KCNJ3: variants seen among roughly 807,000 people sequenced by gnomAD.
The protein encoded by KCNJ3 is G protein-activated inward rectifier potassium channel 1.
KCNJ3 carries 4 observed loss-of-function variants against 39.2 expected under a neutral mutation model. That is an observed-to-expected ratio of 0.10 (90% CI 0.05 to 0.23). KCNJ3 has a LOEUF of 0.23. KCNJ3 is among the 10% of genes least tolerant of loss of function. KCNJ3 has a pLI of 1.00. For missense variants in KCNJ3, 276 were observed against 634.9 expected (o/e 0.43, Z 6.08); for synonymous variants, 230 against 237.4 (o/e 0.97, Z 0.29).
At chr2:154,848,719 G>A (rs2121082) in intron 2 of KCNJ3, among the ~76,000 whole-genome samples, 31,093 of 151,924 alleles carry the variant, frequency 0.2, 3,485 homozygotes, top group East Asian at 0.4. Context: ...TTAGAAAAAC[G>A]GAGGTTCAGA....
intron 2 of KCNJ3, among the ~76,000 whole-genome samples, chr2:154,835,515 A>C (rs1314675967): frequency 7.3e-6 from 1 of 136,984 alleles, no homozygotes; most frequent in Non-Finnish European, 1.6e-5. Context: ...CAAAATATAT[A>C]TATATGAATA....
At chr2:154,817,869 A>G (rs1180846873) in intron 2 of KCNJ3, among the ~76,000 whole-genome samples, 1 of 152,126 alleles carries the variant, frequency 6.6e-6, no homozygotes, top group East Asian at 1.9e-4. Flanking sequence ...CCACATCCCA[A>G]ATAAGTTTTG....
At chr2:154,780,747 T>G (rs1204174190) in intron 2 of KCNJ3, among the ~76,000 whole-genome samples, 2 of 152,144 alleles carry the variant, frequency 1.3e-5, no homozygotes, top group Non-Finnish European at 1.5e-5. Context: ...ATGCATGTAT[T>G]TAGAAATATA....
intron 2 of KCNJ3, among the ~76,000 whole-genome samples, chr2:154,783,474 C>T (rs1157974704): frequency 2.0e-5 from 3 of 152,154 alleles, no homozygotes; most frequent in Admixed American, 6.5e-5. Context: ...TTTCCTGCCA[C>T]TACTAACACC....
intron 2 of KCNJ3, among the ~76,000 whole-genome samples, chr2:154,741,638 A>G (rs1327729102): frequency 6.6e-6 from 1 of 151,934 alleles, no homozygotes; most frequent in Non-Finnish European, 1.5e-5. Context: ...TTATCTGGAA[A>G]ATCGTGGCTG....
intron 2 of KCNJ3, among the ~76,000 whole-genome samples, chr2:154,768,467 T>A (rs1394177665): frequency 6.6e-6 from 1 of 152,228 alleles, no homozygotes; most frequent in East Asian, 1.9e-4. Context: ...TTCTTGTTTT[T>A]GTCAGGTTTG....
intron 2 of KCNJ3, among the ~76,000 whole-genome samples, chr2:154,734,962 C>T (rs2105169993): frequency 6.6e-6 from 1 of 152,192 alleles, no homozygotes; most frequent in Admixed American, 6.5e-5. Context: ...TTTTTCCTCC[C>T]ACATCAAATT....
At chr2:154,795,012 C>T (rs1403553183) in intron 2 of KCNJ3, among the ~76,000 whole-genome samples, 2 of 151,850 alleles carry the variant, frequency 1.3e-5, no homozygotes, top group Non-Finnish European at 2.9e-5. Flanking sequence ...AGGAAACTCA[C>T]AGTGAAATGA....
chr2:154,743,447 A>C (rs1054406775), intron 2 of KCNJ3, among the ~76,000 whole-genome samples: 3 of 151,772 alleles, frequency 2.0e-5, no homozygotes, highest in Non-Finnish European at 4.4e-5. Flanking sequence ...TAGTATTGAC[A>C]TCTTAACAAT....
At chr2:154,841,997 T>C (rs1321789597) in intron 2 of KCNJ3, among the ~76,000 whole-genome samples, 1 of 152,164 alleles carries the variant, frequency 6.6e-6, no homozygotes, top group East Asian at 1.9e-4. Context: ...TGAATGTGTT[T>C]CCTCTTGCTT....
chr2:154,713,465 G>C (rs1385358218), intron 2 of KCNJ3, among the ~76,000 whole-genome samples: 2 of 152,034 alleles, frequency 1.3e-5, no homozygotes, highest in Non-Finnish European at 2.9e-5. Flanking sequence ...CATTCCTATT[G>C]CTGTGGCCTC....
chr2:154,827,894 T>G (rs1352279495), intron 2 of KCNJ3, among the ~76,000 whole-genome samples: 1 of 152,142 alleles, frequency 6.6e-6, no homozygotes, highest in Non-Finnish European at 1.5e-5. Context: ...AACTTAACAA[T>G]TCTAATGATC....
At chr2:154,825,423 ATG>A in intron 2 of KCNJ3, among the ~76,000 whole-genome samples, 1 of 152,156 alleles carries the variant, frequency 6.6e-6, no homozygotes, top group Non-Finnish European at 1.5e-5. Flanking sequence ...TCAATATCTA[ATG>A]TATGAGTGAA....
rs564994788 is a variant in KCNJ3 at position 154,796,963 on chromosome 2, T to A, written c.920-57764T>A. On this transcript the variant is annotated intron_variant, in intron 2 of 2. Transcript: ENST00000295101. The stretch of plus-strand genomic sequence containing the variant: ...CATTGTAGCCCATTCTATTCTAGGA[T>A]TGCTGGCCAAGAGACTTTAGCACAT... Among the ~76,000 whole-genome samples, 78 of 152,284 alleles carry A rather than the reference T, an allele frequency of 5.1e-4. 2 individuals are homozygous for A. Among genetic ancestry groups the A allele is most frequent in the African/African-American group, 1.9e-3 (77 of 41,562 alleles).
At chr2:154,740,676 T>C (rs1574442804) in intron 2 of KCNJ3, among the ~76,000 whole-genome samples, 1 of 152,098 alleles carries the variant, frequency 6.6e-6, no homozygotes, top group African/African-American at 2.4e-5. Flanking sequence ...TAGCACTGAC[T>C]CTCTTTTTAA....
At chr2:154,741,269 G>C (rs1040773381) in intron 2 of KCNJ3, among the ~76,000 whole-genome samples, 9 of 151,866 alleles carry the variant, frequency 5.9e-5, no homozygotes, top group African/African-American at 1.9e-4. Context: ...ATGAACCCTT[G>C]CAGTCTGACC....
intron 2 of KCNJ3, among the ~76,000 whole-genome samples, chr2:154,806,059 A>G (rs574594232): frequency 6.6e-6 from 1 of 152,246 alleles, no homozygotes; most frequent in East Asian, 1.9e-4. Context: ...GTTTTTTGAA[A>G]ACGAGTGAGA....
At chr2:154,762,584 A>G (rs1221648658) in intron 2 of KCNJ3, among the ~76,000 whole-genome samples, 1 of 152,188 alleles carries the variant, frequency 6.6e-6, no homozygotes, top group African/African-American at 2.4e-5. Flanking sequence ...CCTCTTGGGA[A>G]CTTGGTTTCC....
intron 2 of KCNJ3, among the ~76,000 whole-genome samples, chr2:154,844,095 T>A (rs1687625197): frequency 6.6e-6 from 1 of 152,206 alleles, no homozygotes; most frequent in Non-Finnish European, 1.5e-5. Flanking sequence ...CTGCCTTTGG[T>A]CTTTGATGTT....
Sources: allele counts gnomAD v4.1 joint callset (sites outside exome capture counted in the v4.1 genomes callset), GRCh38; gene constraint gnomAD v4.1.1; transcripts MANE v1.5; gene names NCBI Gene and HGNC (gene_info 2026-07-23, HGNC 2026-07-21).